DLG2: variants seen among roughly 807,000 people sequenced by gnomAD.
DLG2 encodes discs large MAGUK scaffold protein 2.
DLG2 carries 45 observed loss-of-function variants against 132.5 expected under a neutral mutation model. The observed-to-expected ratio is 0.34, with a 90% CI of 0.27 to 0.44. DLG2 has a LOEUF of 0.44. Ranked by LOEUF, DLG2 falls within the 20% of genes least tolerant of loss-of-function variation. DLG2 has a pLI of 1.00. For synonymous variants in DLG2, 424 were observed against 419.6 expected, an observed-to-expected ratio of 1.01 and a Z score of -0.13; for missense variants, 1,045 against 1,196.9, an observed-to-expected ratio of 0.87 and a Z score of 1.87.
intron 10 of DLG2, among the ~76,000 whole-genome samples, chr11:84,086,042 T>C (rs574619111): frequency 1.3e-5 from 2 of 152,342 alleles, no homozygotes; most frequent in South Asian, 2.1e-4. Flanking sequence ...AATACCTGTT[T>C]AGAAAATGTG....
At chr11:85,316,866 C>T (rs1187690547) in intron 3 of DLG2, among the ~76,000 whole-genome samples, 1 of 151,850 alleles carries the variant, frequency 6.6e-6, no homozygotes, top group African/African-American at 2.4e-5. Flanking sequence ...AGTACGGTCC[C>T]CACCATCCTA....
At chr11:85,302,166 A>G (rs2079625389) in intron 3 of DLG2, among the ~76,000 whole-genome samples, 1 of 152,186 alleles carries the variant, frequency 6.6e-6, no homozygotes, top group East Asian at 1.9e-4. Flanking sequence ...AGGTAACTAC[A>G]GTTTGTCAGA....
At chr11:85,183,006 T>C (rs1242791666) in intron 4 of DLG2, among the ~76,000 whole-genome samples, 1 of 151,632 alleles carries the variant, frequency 6.6e-6, no homozygotes, top group African/African-American at 2.4e-5. Flanking sequence ...AAGAACAAGA[T>C]CACAGTAACT....
intron 4 of DLG2, 42 bp from the exon 5 acceptor site, chr11:85,154,693 T>A: frequency 1.0e-6 from 1 of 953,058 alleles, no homozygotes. Context: ...TTTTTTATTT[T>A]CTGCAATGTA....
At chr11:85,341,764 A>T (rs1314121343) in intron 3 of DLG2, among the ~76,000 whole-genome samples, 2 of 152,220 alleles carry the variant, frequency 1.3e-5, no homozygotes, top group African/African-American at 4.8e-5. Flanking sequence ...TAAAAATCAT[A>T]GAGTGTACTT....
At chr11:84,207,077 C>CTATATATATA (rs1401388219) in intron 8 of DLG2, among the ~76,000 whole-genome samples, 4 of 106,194 alleles carry the variant, frequency 3.8e-5, no homozygotes, top group African/African-American at 1.2e-4. Context: ...CTCTCTCTCT[C>CTATATATATA]TCTCTATATA....
chr11:84,254,080 T>C (rs767243648), intron 7 of DLG2, among the ~76,000 whole-genome samples: 4 of 152,190 alleles, frequency 2.6e-5, no homozygotes, highest in Non-Finnish European at 5.9e-5. Flanking sequence ...TTCTGTTTGG[T>C]TTCCATGACT....
intron 6 of DLG2, among the ~76,000 whole-genome samples, chr11:85,064,490 T>A (rs1472493899): frequency 6.6e-6 from 1 of 151,718 alleles, no homozygotes. Context: ...GCCACTTACA[T>A]ATAAACAAAT....
intron 11 of DLG2, among the ~76,000 whole-genome samples, chr11:83,983,866 T>C (rs905930021): frequency 5.9e-5 from 9 of 152,200 alleles, no homozygotes; most frequent in Non-Finnish European, 1.0e-4. Flanking sequence ...TGTTACTTTA[T>C]TATACATGAA....
At chr11:84,440,150 T>G (rs1567639763) in intron 7 of DLG2, among the ~76,000 whole-genome samples, 1 of 152,206 alleles carries the variant, frequency 6.6e-6, no homozygotes, top group Non-Finnish European at 1.5e-5. Context: ...TAAATTTTTT[T>G]ATAGTACAAG....
intron 2 of DLG2, among the ~76,000 whole-genome samples, chr11:85,609,556 A>G (rs1487773751): frequency 6.6e-6 from 1 of 152,216 alleles, no homozygotes; most frequent in African/African-American, 2.4e-5. Context: ...AGATTGTCCA[A>G]TGAGAAACAA....
At chr11:84,612,366 A>G (rs930683080) in intron 6 of DLG2, among the ~76,000 whole-genome samples, 2 of 152,050 alleles carry the variant, frequency 1.3e-5, no homozygotes, top group African/African-American at 4.8e-5. Flanking sequence ...TTTTTCTATT[A>G]CAAATAAAAT....
At chr11:85,314,443 A>C (rs2080514688) in intron 3 of DLG2, among the ~76,000 whole-genome samples, 1 of 151,862 alleles carries the variant, frequency 6.6e-6, no homozygotes, top group Admixed American at 6.6e-5. Flanking sequence ...ATATATTGAC[A>C]TATATACTCA....
At chr11:84,555,513 A>T (rs1276443571) in intron 6 of DLG2, among the ~76,000 whole-genome samples, 1 of 152,208 alleles carries the variant, frequency 6.6e-6, no homozygotes, top group East Asian at 1.9e-4. Flanking sequence ...CACAAGCTAC[A>T]ATATGGACAT....
intron 7 of DLG2, among the ~76,000 whole-genome samples, chr11:84,390,386 G>T (rs186719491): frequency 1.3e-5 from 2 of 152,234 alleles, no homozygotes; most frequent in South Asian, 4.2e-4. Context: ...GTTGAGTACC[G>T]ACTCCATGCC....
intron 4 of DLG2, among the ~76,000 whole-genome samples, chr11:85,281,164 A>G (rs1246473275): frequency 6.6e-6 from 1 of 152,034 alleles, no homozygotes; most frequent in Non-Finnish European, 1.5e-5. Context: ...AATTTCAAAA[A>G]ACGGTAGGTG....
intron 7 of DLG2, among the ~76,000 whole-genome samples, chr11:84,352,640 C>G (rs7115039): frequency 0.047 from 7,082 of 152,184 alleles, 179 homozygotes; most frequent in Middle Eastern, 0.061. Flanking sequence ...TATCTGCTGG[C>G]TCAATTCATT....
chr11:84,694,279 A>G (rs1331204527), intron 6 of DLG2, among the ~76,000 whole-genome samples: 2 of 151,606 alleles, frequency 1.3e-5, no homozygotes, highest in Admixed American at 6.6e-5. Flanking sequence ...GGAGAACACA[A>G]AACACCATGG....
At chr11:84,742,831 G>T (rs913072256) in intron 6 of DLG2, among the ~76,000 whole-genome samples, 5 of 151,986 alleles carry the variant, frequency 3.3e-5, no homozygotes, top group South Asian at 4.1e-4. Context: ...CAACCCCTAG[G>T]CAACCCACTG....
Sources: gnomAD v4.1 joint callset for allele counts (sites outside exome capture counted in the v4.1 genomes callset) on GRCh38, gnomAD v4.1.1 for gene constraint, MANE v1.5 for transcripts, NCBI Gene and HGNC (gene_info 2026-07-23, HGNC 2026-07-21) for gene names.